FOXB2: variants seen among roughly 807,000 people sequenced by gnomAD.
The protein encoded by FOXB2 is forkhead box protein B2.
In FOXB2, 1 loss-of-function variant was observed where a neutral mutation model predicts 0.9. That is an observed-to-expected ratio of 1.09 (90% CI 0.39 to 5.18). The LOEUF is 5.18. FOXB2 is among the 30% of genes most tolerant of loss of function. The pLI is 0.16. For synonymous variants in FOXB2, 322 were observed against 293.5 expected (o/e 1.10, Z -0.99); for missense variants, 670 against 626.6 (o/e 1.07, Z -0.74).
chr9:77,020,558 G>C lies in FOXB2; in HGVS notation c.904G>C (p.Val302Leu). The C allele has an allele frequency of 1.2e-6, 2 of 1,610,874 alleles. No homozygotes were observed. Among genetic ancestry groups the C allele is most frequent in the Non-Finnish European group, 1.7e-6 (2 of 1,179,322 alleles). ...ASVMHHLGYP[V>L]PGQLGNVVSS... ...CGTCATGCACCACCTGGGCTACCCC[G>C]TGCCCGGCCAGCTTGGCAACGTCGT... Residue 302 changes from valine to leucine, a missense_variant, in exon 1 of 1, where the codon GTG (valine) becomes CTG (leucine). Coordinates refer to ENST00000376708, the MANE Select transcript of FOXB2 (RefSeq NM_001013735.1). The surrounding 1 kb of genome is among the most constrained non-coding windows in gnomAD (Gnocchi z 4.9).
chr9:77,020,167 G>A lies in FOXB2; in HGVS notation c.513G>A (p.Pro171=), dbSNP rs764511769. 3.1e-4 allele frequency: 374 copies of A among 1,196,096 alleles called. No homozygotes were observed. Among genetic ancestry groups the A allele is most frequent in the Non-Finnish European group, 4.4e-4 (359 of 824,202 alleles). 74.1% of individuals were successfully genotyped at this position (1,196,096 alleles called of 1,614,324 possible). The part of the protein sequence containing the change: ...HPPQPPPPPP[P]PPPHMVHYFH... ...CCCAGCCGCCGCCGCCGCCGCCCCC[G>A]CCGCCGCCGCACATGGTACACTATT... Residue 171 remains proline (P), a synonymous_variant, in exon 1 of 1, where the codon CCG becomes CCA. Coordinates refer to ENST00000376708, the MANE Select transcript of FOXB2 (RefSeq NM_001013735.1). This position sits in a 1 kb window ranked among gnomAD's most constrained non-coding sequence, Gnocchi z 4.9.
rs1304434723 is a variant in FOXB2, at chr9:77,020,830, G to A, written c.1176G>A (p.Pro392=). The part of the protein sequence containing the change: ...LTVPAASQQP[P]APSTVCSAAA... ...TCCCCGCGGCTTCGCAGCAGCCTCC[G>A]GCGCCATCCACCGTGTGCTCCGCGG... is the stretch of plus-strand genomic sequence containing the variant. Residue 392 remains proline (P), a synonymous_variant, in exon 1 of 1, where the codon CCG becomes CCA. Transcript: ENST00000376708. The surrounding 1 kb of genome is among the most constrained non-coding windows in gnomAD (Gnocchi z 4.9). 1.3e-6 allele frequency: 2 copies of A among 1,550,048 alleles called. No homozygotes were observed. The highest frequency in any genetic ancestry group is 1.9e-5 in the Admixed American group (1 of 53,100).
chr9:77,020,630 G>T lies in FOXB2; in HGVS notation c.976G>T (p.Ala326Ser), dbSNP rs747514946. ...TGGCGTCATGGATTCGGTGGCCGCC[G>T]CCGCGGCCGCCGCAGCCGCAGCCGG... ...HVGVMDSVAAAAAAAAAAGVP... is the reference protein window; with the variant it reads ...HVGVMDSVAASAAAAAAAGVP... Residue 326 changes from alanine to serine, a missense_variant, in exon 1 of 1, where the codon GCC (alanine) becomes TCC (serine). Physicochemically the swap from Ala to Ser is moderately conservative, Grantham distance 99. Coordinates refer to ENST00000376708, the MANE Select transcript of FOXB2 (RefSeq NM_001013735.1). The surrounding 1 kb of genome is among the most constrained non-coding windows in gnomAD (Gnocchi z 4.9). The T allele has an allele frequency of 4.2e-5, 66 of 1,589,156 alleles. No homozygotes were observed. Among genetic ancestry groups the T allele is most frequent in the Non-Finnish European group, 5.2e-5 (61 of 1,170,942 alleles).
At position 77,019,889 on chromosome 9, in the gene FOXB2, G is replaced by A. The variant is rs749936671; in HGVS notation, c.235G>A (p.Asp79Asn). The change falls in exon 1 of 1, where the codon GAC becomes AAC. Residue 79 changes from aspartate (D) to asparagine (N), a missense_variant. By Grantham distance (23) the Asp-to-Asn change is conservative (BLOSUM62 1). Transcript: ENST00000376708. The surrounding 1 kb of genome is among the most constrained non-coding windows in gnomAD (Gnocchi z 4.4). ...DCFIKIPRRP[D>N]QPGKGSFWAL... ...CTTCATCAAGATTCCGCGGAGGCCC[G>A]ACCAGCCTGGCAAGGGTAGCTTCTG... 1.9e-6 allele frequency: 3 copies of A among 1,613,852 alleles called. No individual in the cohort carries two copies. The highest frequency in any genetic ancestry group is 2.2e-5 in the South Asian group (2 of 91,072).
In FOXB2 at chr9:77,019,977, G is replaced by C; in HGVS notation, c.323G>C (p.Arg108Pro). 6.2e-7 allele frequency: 1 copy of C among 1,612,400 alleles called. No individual in the cohort carries two copies. The highest frequency in any genetic ancestry group is 8.5e-7 in the Non-Finnish European group (1 of 1,179,876). ...GGCAGCTTCCTGCGGCGTCGCAAGC[G>C]CTTCAAGGTGCTGCGCGCCGACCAT... ...ENGSFLRRRK[R>P]FKVLRADHTH... The change falls in exon 1 of 1, where the codon CGC (arginine) becomes CCC (proline). Residue 108 changes from arginine (R) to proline (P), a missense_variant. Physicochemically the swap from Arg to Pro is moderately radical, Grantham distance 103 (BLOSUM62 -2). Coordinates refer to ENST00000376708, the MANE Select transcript of FOXB2 (RefSeq NM_001013735.1). This position sits in a 1 kb window ranked among gnomAD's most constrained non-coding sequence, Gnocchi z 4.4.
Position 77,020,006 on chromosome 9 carries a change from C to G in FOXB2, c.352C>G (p.His118Asp), listed in dbSNP as rs746062219. 1 of 1,611,248 alleles carries G rather than the reference C, an allele frequency of 6.2e-7. No individual in the cohort carries two copies. The highest frequency in any genetic ancestry group is 2.2e-5 in the East Asian group (1 of 44,764). The change falls in exon 1 of 1, where the codon CAC becomes GAC. Residue 118 changes from histidine (H) to aspartate (D), a missense_variant. By Grantham distance (81) the His-to-Asp change is moderately conservative. Coordinates refer to ENST00000376708, the MANE Select transcript of FOXB2 (RefSeq NM_001013735.1). The surrounding 1 kb of genome is among the most constrained non-coding windows in gnomAD (Gnocchi z 4.9). ...RFKVLRADHT[H>D]LHAGSTKSAP... ...CAAGGTGCTGCGCGCCGACCATACT[C>G]ACTTGCACGCGGGAAGCACCAAGAG... is the stretch of plus-strand genomic sequence containing the variant.
chr9:77,020,932 C>G lies in FOXB2; in HGVS notation c.1278C>G (p.His426Gln), dbSNP rs768043359. The G allele has an allele frequency of 6.3e-7, 1 of 1,577,268 alleles. No homozygotes were observed. Among genetic ancestry groups the G allele is most frequent in the South Asian group, 1.1e-5 (1 of 87,512 alleles). ...TSAESKGGSLHSVLVHS is the reference protein window; with the variant it reads ...TSAESKGGSLQSVLVHS ...CCGAAAGCAAGGGCGGCTCCTTGCA[C>G]TCGGTGCTAGTGCACTCCTAGGGGA... is the stretch of plus-strand genomic sequence containing the variant. Residue 426 changes from histidine (H) to glutamine (Q), a missense_variant, in exon 1 of 1, where the codon CAC becomes CAG. Transcript: ENST00000376708. This position sits in a 1 kb window ranked among gnomAD's most constrained non-coding sequence, Gnocchi z 4.9.
Position 77,020,113 on chromosome 9 carries a change from C to G in FOXB2, c.459C>G (p.Ala153=), listed in dbSNP as rs376736596. 7 of 1,489,154 alleles carry G rather than the reference C, an allele frequency of 4.7e-6. No homozygotes were observed. The highest frequency in any genetic ancestry group is 1.2e-5 in the South Asian group (1 of 83,664). The allele number at this position is 1,489,154 out of a possible 1,614,324, so 92.2% of individuals were successfully genotyped here. A position where few individuals can be genotyped will look rare whatever the true frequency, so the allele number is the denominator to read the frequency against. ...ACCACCACCATCATCACCACGCTGCCGCACACCACCACCATCACCACCACC... is the reference window on the plus strand; with the variant it reads ...ACCACCACCATCATCACCACGCTGCGGCACACCACCACCATCACCACCACC... ...HPHHHHHHHA[A]AHHHHHHHPP... Residue 153 remains alanine (A), a synonymous_variant, in exon 1 of 1, where the codon GCC becomes GCG. Transcript: ENST00000376708. This position sits in a 1 kb window ranked among gnomAD's most constrained non-coding sequence, Gnocchi z 4.9.
At position 77,020,079 on chromosome 9, in the gene FOXB2, A is replaced by G; in HGVS notation, c.425A>G (p.His142Arg). The change falls in exon 1 of 1, where the codon CAC (histidine) becomes CGC (arginine). Residue 142 changes from histidine to arginine, a missense_variant. His to Arg is a conservative substitution (Grantham distance 29). Coordinates refer to ENST00000376708, the MANE Select transcript of FOXB2 (RefSeq NM_001013735.1). This position sits in a 1 kb window ranked among gnomAD's most constrained non-coding sequence, Gnocchi z 4.9. ...PGGHLHPHHHHHPHHHHHHHA... is the reference protein window; with the variant it reads ...PGGHLHPHHHRHPHHHHHHHA... ...GGGCACCTTCACCCCCATCACCACC[A>G]CCACCCCCACCACCACCATCATCAC... is the stretch of plus-strand genomic sequence containing the variant. 1 of 1,102,332 alleles carries G rather than the reference A, an allele frequency of 9.1e-7. No individual in the cohort carries two copies. The allele number at this position is 1,102,332 out of a possible 1,614,324, so 68.3% of individuals were successfully genotyped here. A position where few individuals can be genotyped will look rare whatever the true frequency, so the allele number is the denominator to read the frequency against.
At position 77,020,260 on chromosome 9, in the gene FOXB2, G is replaced by A; in HGVS notation, c.606G>A (p.Pro202=). Residue 202 remains proline (P), a synonymous_variant, in exon 1 of 1, where the codon CCG becomes CCA. Transcript: ENST00000376708. The surrounding 1 kb of genome is among the most constrained non-coding windows in gnomAD (Gnocchi z 4.9). ...TCCCGTCACAGCCCCCGCAGCAACC[G>A]CCCCAGCAGTCGCAGCCTCAGCAGC... ...PHLPSQPPQQ[P]PQQSQPQQPS... The A allele has an allele frequency of 3.8e-6, 5 of 1,320,756 alleles. No individual in the cohort carries two copies. The highest frequency in any genetic ancestry group is 5.4e-6 in the Non-Finnish European group (5 of 929,978). The allele number at this position is 1,320,756 out of a possible 1,614,324, so 81.8% of individuals were successfully genotyped here. A position where few individuals can be genotyped will look rare whatever the true frequency, so the allele number is the denominator to read the frequency against.
rs749654655 is a variant in FOXB2 at position 77,020,457 on chromosome 9, A to T, written c.803A>T (p.His268Leu). Residue 268 changes from histidine (H) to leucine (L), a missense_variant, in exon 1 of 1, where the codon CAC becomes CTC. Physicochemically the swap from His to Leu is moderately conservative, Grantham distance 99. Transcript: ENST00000376708. This position sits in a 1 kb window ranked among gnomAD's most constrained non-coding sequence, Gnocchi z 4.9. ...AAAASTSGFK[H>L]PFAIENIIGR... ...GCGGCGTCCACGTCAGGCTTCAAGC[A>T]CCCCTTTGCCATTGAGAACATTATT... is the stretch of plus-strand genomic sequence containing the variant. 4.4e-6 allele frequency: 7 copies of T among 1,597,898 alleles called. No individual in the cohort carries two copies. Among genetic ancestry groups the T allele is most frequent in the African/African-American group, 1.4e-5 (1 of 72,264 alleles).
chr9:77,020,017 G>C lies in FOXB2; in HGVS notation c.363G>C (p.Ala121=). The C allele has an allele frequency of 1.2e-6, 2 of 1,610,442 alleles. No homozygotes were observed. The highest frequency in any genetic ancestry group is 1.7e-6 in the Non-Finnish European group (2 of 1,179,122). Residue 121 remains alanine, a synonymous_variant, in exon 1 of 1, where the codon GCG becomes GCC. Transcript: ENST00000376708. The surrounding 1 kb of genome is among the most constrained non-coding windows in gnomAD (Gnocchi z 4.9). ...GCGCCGACCATACTCACTTGCACGCGGGAAGCACCAAGAGCGCGCCGGGCG... is the reference window on the plus strand; with the variant it reads ...GCGCCGACCATACTCACTTGCACGCCGGAAGCACCAAGAGCGCGCCGGGCG... ...VLRADHTHLH[A]GSTKSAPGAG...
Position 77,019,939 on chromosome 9 carries a change from C to G in FOXB2, c.285C>G (p.Asp95Glu), listed in dbSNP as rs776321378. The part of the protein sequence containing the change: ...SFWALHPDCG[D>E]MFENGSFLRR... ...GGGCGCTGCACCCCGACTGCGGGGA[C>G]ATGTTCGAGAACGGCAGCTTCCTGC... Residue 95 changes from aspartate (D) to glutamate (E), a missense_variant, in exon 1 of 1, where the codon GAC becomes GAG. Physicochemically the swap from Asp to Glu is conservative, Grantham distance 45. Transcript: ENST00000376708. The surrounding 1 kb of genome is among the most constrained non-coding windows in gnomAD (Gnocchi z 4.4). 2 of 1,613,378 alleles carry G rather than the reference C, an allele frequency of 1.2e-6. No individual in the cohort carries two copies. The highest frequency in any genetic ancestry group is 2.7e-5 in the African/African-American group (2 of 74,918).
rs1019938504 is a variant in FOXB2 at position 77,020,133 on chromosome 9, A to G, written c.479A>G (p.His160Arg). The change falls in exon 1 of 1, where the codon CAC becomes CGC. Residue 160 changes from histidine to arginine, a missense_variant. By Grantham distance (29) the His-to-Arg change is conservative. Coordinates refer to ENST00000376708, the MANE Select transcript of FOXB2 (RefSeq NM_001013735.1). The surrounding 1 kb of genome is among the most constrained non-coding windows in gnomAD (Gnocchi z 4.9). The stretch of plus-strand genomic sequence containing the variant: ...GCTGCCGCACACCACCACCATCACC[A>G]CCACCCACCCCAGCCGCCGCCGCCG... ...HHAAAHHHHH[H>R]HPPQPPPPPP... is the part of the protein sequence containing the mutation. 4.3e-6 allele frequency: 6 copies of G among 1,397,982 alleles called. No individual in the cohort carries two copies. Among genetic ancestry groups the G allele is most frequent in the Non-Finnish European group, 5.8e-6 (6 of 1,030,550 alleles). 86.6% of individuals were successfully genotyped at this position (1,397,982 alleles called of 1,614,324 possible).
In FOXB2 at chr9:77,020,487, G is replaced by A. The variant is rs760750048; in HGVS notation, c.833G>A (p.Arg278Gln). The A allele has an allele frequency of 9.6e-5, 155 of 1,607,104 alleles. No individual in the cohort carries two copies. Among genetic ancestry groups the A allele is most frequent in the Non-Finnish European group, 1.3e-4 (148 of 1,177,890 alleles). ...TTTGCCATTGAGAACATTATTGGCC[G>A]GGACTACAAGGGCGTGCTGCAGGCT... ...HPFAIENIIG[R>Q]DYKGVLQAGG... The change falls in exon 1 of 1, where the codon CGG becomes CAG. Residue 278 changes from arginine (R) to glutamine (Q), a missense_variant. By Grantham distance (43) the Arg-to-Gln change is conservative. Transcript: ENST00000376708. The surrounding 1 kb of genome is among the most constrained non-coding windows in gnomAD (Gnocchi z 4.9).
At position 77,020,044 on chromosome 9, in the gene FOXB2, C is replaced by G. The variant is rs553971345; in HGVS notation, c.390C>G (p.Ala130=). Residue 130 remains alanine, a synonymous_variant, in exon 1 of 1, where the codon GCC becomes GCG. Transcript: ENST00000376708. The surrounding 1 kb of genome is among the most constrained non-coding windows in gnomAD (Gnocchi z 4.9). ...GAAGCACCAAGAGCGCGCCGGGCGC[C>G]GGTCCGGGAGGGCACCTTCACCCCC... ...HAGSTKSAPG[A]GPGGHLHPHH... is the part of the protein sequence containing the mutation. 8 of 1,605,838 alleles carry G rather than the reference C, an allele frequency of 5.0e-6. No homozygotes were observed. Among genetic ancestry groups the G allele is most frequent in the South Asian group, 1.1e-5 (1 of 90,398 alleles).
rs2063915430 is a variant in FOXB2 at position 77,020,776 on chromosome 9, C to A, written c.1122C>A (p.Pro374=). The A allele has an allele frequency of 6.3e-7, 1 of 1,581,700 alleles. No homozygotes were observed. Among genetic ancestry groups the A allele is most frequent in the African/African-American group, 1.4e-5 (1 of 73,612 alleles). ...VPIKPTPALP[P]VSALQPGLTV... The stretch of plus-strand genomic sequence containing the variant: ...TCAAGCCCACGCCTGCGCTGCCGCC[C>A]GTGTCCGCGCTGCAGCCGGGGCTCA... Residue 374 remains proline, a synonymous_variant, in exon 1 of 1, where the codon CCC becomes CCA. Coordinates refer to ENST00000376708, the MANE Select transcript of FOXB2 (RefSeq NM_001013735.1). The surrounding 1 kb of genome is among the most constrained non-coding windows in gnomAD (Gnocchi z 4.9).
At position 77,020,921 on chromosome 9, in the gene FOXB2, G is replaced by A. The variant is rs1411715116; in HGVS notation, c.1267G>A (p.Gly423Ser). ...CCCTACCTCGGCCGAAAGCAAGGGC[G>A]GCTCCTTGCACTCGGTGCTAGTGCA... The part of the protein sequence containing the change: ...TAPTSAESKG[G>S]SLHSVLVHS The change falls in exon 1 of 1, where the codon GGC becomes AGC. Residue 423 changes from glycine to serine, a missense_variant. Gly to Ser is a moderately conservative substitution (Grantham distance 56, BLOSUM62 0). Transcript: ENST00000376708. This position sits in a 1 kb window ranked among gnomAD's most constrained non-coding sequence, Gnocchi z 4.9. 1.1e-5 allele frequency: 17 copies of A among 1,575,132 alleles called. No homozygotes were observed. Among genetic ancestry groups the A allele is most frequent in the African/African-American group, 1.4e-5 (1 of 74,072 alleles).
In FOXB2 at chr9:77,020,829, C is replaced by G; in HGVS notation, c.1175C>G (p.Pro392Arg). ...GTCCCCGCGGCTTCGCAGCAGCCTCCGGCGCCATCCACCGTGTGCTCCGCG... is the reference window on the plus strand; with the variant it reads ...GTCCCCGCGGCTTCGCAGCAGCCTCGGGCGCCATCCACCGTGTGCTCCGCG... ...LTVPAASQQP[P>R]APSTVCSAAA... The change falls in exon 1 of 1, where the codon CCG becomes CGG. Residue 392 changes from proline to arginine, a missense_variant. By Grantham distance (103) the Pro-to-Arg change is moderately radical. Coordinates refer to ENST00000376708, the MANE Select transcript of FOXB2 (RefSeq NM_001013735.1). This position sits in a 1 kb window ranked among gnomAD's most constrained non-coding sequence, Gnocchi z 4.9. The G allele has an allele frequency of 6.5e-7, 1 of 1,550,012 alleles. No homozygotes were observed. The highest frequency in any genetic ancestry group is 2.4e-5 in the East Asian group (1 of 41,762).
Sources: gnomAD v4.1 joint callset for allele counts on GRCh38, gnomAD v4.1.1 for gene constraint, Gnocchi (gnomAD v3.1) non-coding constraint, MANE v1.5 for transcripts, NCBI Gene and HGNC (gene_info 2026-07-23, HGNC 2026-07-21) for gene names.